The following AFDN variants were observed in gnomAD, a reference collection of about 807,000 sequenced individuals.
AFDN encodes afadin.
In AFDN, 68 loss-of-function variants were observed where a neutral mutation model predicts 216.6. The observed-to-expected ratio is 0.31, with a 90% confidence interval of 0.26 to 0.38. The LOEUF is 0.38. AFDN is among the 10% of genes least tolerant of loss of function. The pLI, the probability that AFDN is intolerant of heterozygous loss-of-function variation, is 1.00. For synonymous variants in AFDN, 868 were observed against 853.7 expected (o/e 1.02, Z -0.29); for missense variants, 2,136 against 2,342.0 (o/e 0.91, Z 1.82).
At chr6:167,878,518 C>T (rs899544492) in intron 5 of AFDN, among the ~76,000 whole-genome samples, 2 of 152,154 alleles carry the variant, frequency 1.3e-5, no homozygotes, top group African/African-American at 4.8e-5. Flanking sequence ...TTGTCCACCT[C>T]CTTAGACATA....
At chr6:167,946,383 A>G (rs1043650518) in intron 26 of AFDN, among the ~76,000 whole-genome samples, 2 of 152,208 alleles carry the variant, frequency 1.3e-5, no homozygotes, top group African/African-American at 4.8e-5. Context: ...TTTTTCTACA[A>G]AGTCAGGGAA....
chr6:167,880,975 G>A (rs1222118788), intron 6 of AFDN, among the ~76,000 whole-genome samples: 1 of 152,080 alleles, frequency 6.6e-6, no homozygotes, highest in Non-Finnish European at 1.5e-5. Flanking sequence ...TAAATTTTAG[G>A]ATCAGTTTGT....
intron 30 of AFDN, among the ~76,000 whole-genome samples, chr6:167,960,470 C>T (rs1016333711): frequency 2.6e-5 from 4 of 152,164 alleles, no homozygotes; most frequent in African/African-American, 9.7e-5. Flanking sequence ...TTGTGTAACA[C>T]TTTCTTGCTC....
At chr6:167,859,243 G>C (rs1583183867) in intron 1 of AFDN, among the ~76,000 whole-genome samples, 1 of 152,118 alleles carries the variant, frequency 6.6e-6, no homozygotes, top group Non-Finnish European at 1.5e-5. Context: ...TATTTCTTCT[G>C]TCCTCTACCT....
chr6:167,895,221 A>G (rs985547555), intron 9 of AFDN, among the ~76,000 whole-genome samples: 5 of 152,132 alleles, frequency 3.3e-5, no homozygotes, highest in African/African-American at 9.7e-5. Flanking sequence ...AATTAATGTA[A>G]CAGATGGGGT....
Position 167,966,011 on chromosome 6 carries a change from TGAGGAGGAG to T in AFDN, c.5235_5243del (p.Glu1745_Glu1747del). ...TCACTGCCAAGTTTGTTGCATACAA[TGAGGAGGAG>T]GAGGAGGAGGACTGCAGCCTAGCAG... On this transcript the variant is annotated inframe_deletion, in exon 32 of 34. Transcript: ENST00000683244. 6.5e-7 allele frequency: 1 copy of T among 1,546,404 alleles called. No individual in the cohort carries two copies.
At chr6:167,849,416 T>G (rs1186767699) in intron 1 of AFDN, among the ~76,000 whole-genome samples, 3 of 152,220 alleles carry the variant, frequency 2.0e-5, no homozygotes, top group Non-Finnish European at 2.9e-5. Context: ...TGTGTTCAAT[T>G]ATAGCTAGAA....
intron 9 of AFDN, among the ~76,000 whole-genome samples, chr6:167,895,268 T>C (rs1788098755): frequency 6.6e-6 from 1 of 152,134 alleles, no homozygotes; most frequent in African/African-American, 2.4e-5. Flanking sequence ...ATTTCTTAAC[T>C]AGGGGGGTTC....
At chr6:167,954,539 T>C in intron 30 of AFDN, 1 of 1,559,344 alleles carries the variant, frequency 6.4e-7, no homozygotes, top group Non-Finnish European at 8.7e-7. Flanking sequence ...CCTGTCTTGA[T>C]TTTCTTTTCT....
intron 30 of AFDN, among the ~76,000 whole-genome samples, chr6:167,956,449 G>C (rs1350949339): frequency 1.3e-5 from 2 of 152,018 alleles, no homozygotes; most frequent in Non-Finnish European, 2.9e-5. Context: ...GTCAGTCCAG[G>C]GCCTACCTTC....
At chr6:167,963,319 T>G (rs1421375342) in intron 31 of AFDN, 3 of 1,061,682 alleles carry the variant, frequency 2.8e-6, no homozygotes, top group Admixed American at 1.1e-4. Flanking sequence ...CCGAGGGGAC[T>G]GCGTGTTGCT....
chr6:167,925,585 T>A (rs929148028), intron 23 of AFDN, among the ~76,000 whole-genome samples: 1 of 152,164 alleles, frequency 6.6e-6, no homozygotes, highest in Non-Finnish European at 1.5e-5. Flanking sequence ...GTGTGGAGCT[T>A]AGGAAATGGC....
intron 22 of AFDN, among the ~76,000 whole-genome samples, chr6:167,924,386 G>A (rs73032798): frequency 0.02 from 3,007 of 152,250 alleles, 55 homozygotes; most frequent in Non-Finnish European, 0.033. Flanking sequence ...AGTCTGTCAG[G>A]AGCTGTCTTG....
At chr6:167,852,274 A>G (rs1782406775) in intron 1 of AFDN, among the ~76,000 whole-genome samples, 1 of 152,208 alleles carries the variant, frequency 6.6e-6, no homozygotes, top group Non-Finnish European at 1.5e-5. Context: ...GCCACACATT[A>G]TATTTACTTC....
chr6:167,875,215 T>G, intron 4 of AFDN, 120 bp from the exon 5 acceptor site: 1 of 828,174 alleles, frequency 1.2e-6, no homozygotes, highest in Non-Finnish European at 1.9e-6. Flanking sequence ...GTAACAGACC[T>G]CTTAGGTACA....
chr6:167,931,434 A>G (rs1793288917), intron 23 of AFDN, among the ~76,000 whole-genome samples: 1 of 152,118 alleles, frequency 6.6e-6, no homozygotes, highest in South Asian at 2.1e-4. Flanking sequence ...GCTAGAGATA[A>G]AATTTGGATG....
chr6:167,947,961 AG>A lies in AFDN; in HGVS notation c.3645+18del, dbSNP rs1164030392. On this transcript the variant is annotated intron_variant, in intron 28 of 33. Coordinates refer to ENST00000683244, the MANE Select transcript of AFDN (RefSeq NM_001386888.1). Reference sequence around the variant, plus strand: ...TGCACTGAGGTCTGATTGATTGATAAGCAAAAGGCTTCTACTGCATTTCCAT... The same window carrying A: ...TGCACTGAGGTCTGATTGATTGATAACAAAAGGCTTCTACTGCATTTCCAT... 6 of 1,575,064 alleles carry A rather than the reference AG, an allele frequency of 3.8e-6. No homozygotes were observed. In the Admixed American group the frequency reaches 6.7e-5, roughly 18 times the overall value.
At position 167,962,888 on chromosome 6, in the gene AFDN, C is replaced by T; in HGVS notation, c.4968+321C>T. The T allele has an allele frequency of 8.5e-7, 1 of 1,171,190 alleles. No individual in the cohort carries two copies. The allele number at this position is 1,171,190 out of a possible 1,614,324, so 72.5% of individuals were successfully genotyped here. On this transcript the variant is annotated intron_variant, in intron 31 of 33. Transcript: ENST00000683244. The surrounding 1 kb of genome is among the most constrained non-coding windows in gnomAD (Gnocchi z 5.2). ...CTCATCTTTACTGAACATGGCCCAG[C>T]TTGTCATTGTGAAGGTGACATTGGT...
chr6:167,923,436 A>T (rs541845776), intron 22 of AFDN, among the ~76,000 whole-genome samples: 9 of 152,278 alleles, frequency 5.9e-5, no homozygotes, highest in African/African-American at 1.9e-4. Flanking sequence ...TGCCTCATAT[A>T]GACAGTTTTA....
Sources: allele counts gnomAD v4.1 joint callset (sites outside exome capture counted in the v4.1 genomes callset), GRCh38; gene constraint gnomAD v4.1.1; non-coding constraint Gnocchi (gnomAD v3.1); transcripts MANE v1.5; gene names NCBI Gene and HGNC (gene_info 2026-07-23, HGNC 2026-07-21).